TMPRSS15: variants seen among roughly 807,000 people sequenced by gnomAD.
The protein encoded by TMPRSS15 is enteropeptidase.
A neutral mutation model predicts 125.3 loss-of-function variants in TMPRSS15; 128 were observed. The ratio of observed to expected loss-of-function variants is 1.02; its 90% CI spans 0.89 to 1.18. The LOEUF is 1.18. Among genes scored for constraint, TMPRSS15 ranks in the 50% most tolerant of loss-of-function variants. The pLI is 0.00. For synonymous variants in TMPRSS15, 446 were observed against 423.2 expected (o/e 1.05, Z -0.66); for missense variants, 1,283 against 1,212.7 (o/e 1.06, Z -0.86).
At position 18,365,124 on chromosome 21, in the gene TMPRSS15, T is replaced by C. The variant is rs370774034; in HGVS notation, c.773+16A>G. 59 of 1,597,316 alleles carry C rather than the reference T, an allele frequency of 3.7e-5. 1 individual carries two copies. The highest frequency in any genetic ancestry group is 1.7e-4 in the Middle Eastern group (1 of 6,048). On this transcript the variant is annotated intron_variant, in intron 7 of 24. Coordinates refer to ENST00000284885, the MANE Select transcript of TMPRSS15 (RefSeq NM_002772.3). The stretch of plus-strand genomic sequence containing the variant: ...CTTTATGACTTAAGAACAGAAAATA[T>C]AAGATCTTGTATTACCGTATGATCC...
intron 1 of TMPRSS15, among the ~76,000 whole-genome samples, chr21:18,409,737 T>C (rs1306737566): frequency 2.0e-5 from 3 of 152,144 alleles, no homozygotes; most frequent in Non-Finnish European, 1.5e-5. Context: ...AAGTAATAAA[T>C]AGTACTGTTG....
intron 18 of TMPRSS15, 143 bp downstream of exon 18, chr21:18,312,802 A>G: frequency 9.1e-7 from 1 of 1,100,442 alleles, no homozygotes; most frequent in East Asian, 2.6e-5. Context: ...GGGGTTAATC[A>G]AGATTTTTAT....
At chr21:18,460,468 A>C (rs1978531256) in intron 1 of TMPRSS15, 1 of 152,216 alleles carries the variant, frequency 6.6e-6, no homozygotes, top group Non-Finnish European at 1.5e-5. Flanking sequence ...TAAGTTATTC[A>C]ATTATTTATC....
intron 3 of TMPRSS15, among the ~76,000 whole-genome samples, chr21:18,396,027 T>G (rs543533677): frequency 7.2e-5 from 11 of 152,234 alleles, no homozygotes; most frequent in East Asian, 3.9e-4. Context: ...AACTAAGACT[T>G]ACTTACTCTC....
chr21:18,314,100 T>A (rs1251340895), intron 17 of TMPRSS15, among the ~76,000 whole-genome samples: 4 of 143,682 alleles, frequency 2.8e-5, no homozygotes, highest in African/African-American at 1.0e-4. Context: ...TGTAATTCTA[T>A]AAAATAATGC....
chr21:18,458,427 T>C (rs1978483457), intron 1 of TMPRSS15, among the ~76,000 whole-genome samples: 1 of 152,206 alleles, frequency 6.6e-6, no homozygotes, highest in African/African-American at 2.4e-5. Flanking sequence ...GTTAGGTCTT[T>C]GAGGTTTCAA....
At chr21:18,326,606 T>TGATC in intron 15 of TMPRSS15, 34 bp from the exon 16 acceptor site, 1 of 1,613,784 alleles carries the variant, frequency 6.2e-7, no homozygotes, top group Non-Finnish European at 8.5e-7. Context: ...ATCAGTGAGA[T>TGATC]GATCCTTTGG....
At chr21:18,358,762 G>A (rs560890264) in intron 8 of TMPRSS15, among the ~76,000 whole-genome samples, 29 of 151,968 alleles carry the variant, frequency 1.9e-4, no homozygotes, top group Non-Finnish European at 3.8e-4. Context: ...AAATATTAAA[G>A]AAGAAAATGC....
intron 21 of TMPRSS15, among the ~76,000 whole-genome samples, chr21:18,290,957 C>T (rs1261542575): frequency 6.6e-6 from 1 of 152,148 alleles, no homozygotes; most frequent in African/African-American, 2.4e-5. Flanking sequence ...AATTTTTATG[C>T]ATGTTTGAAA....
chr21:18,341,187 C>T (rs1029871680), intron 13 of TMPRSS15, among the ~76,000 whole-genome samples: 6 of 152,152 alleles, frequency 3.9e-5, no homozygotes, highest in East Asian at 1.9e-4. Context: ...TCAGCCTCTC[C>T]GGTAGCTGGG....
intron 6 of TMPRSS15, among the ~76,000 whole-genome samples, chr21:18,368,002 T>A (rs1217309161): frequency 2.6e-5 from 4 of 151,946 alleles, no homozygotes; most frequent in Admixed American, 6.6e-5. Context: ...AAACAGAAAA[T>A]TTTTTAAAGA....
chr21:18,479,824 G>T (rs564979149), intron 1 of TMPRSS15, among the ~76,000 whole-genome samples: 10 of 152,084 alleles, frequency 6.6e-5, no homozygotes, highest in Non-Finnish European at 1.5e-4. Flanking sequence ...GTGGAAGACA[G>T]TGTGGCAATT....
chr21:18,373,312 T>C (rs2147048904), intron 5 of TMPRSS15, among the ~76,000 whole-genome samples: 1 of 152,266 alleles, frequency 6.6e-6, no homozygotes, highest in South Asian at 2.1e-4. Context: ...AATTAGACAT[T>C]TGTAACTGGC....
chr21:18,390,503 G>A (rs1462242039), intron 3 of TMPRSS15, among the ~76,000 whole-genome samples: 1 of 152,156 alleles, frequency 6.6e-6, no homozygotes, highest in East Asian at 1.9e-4. Flanking sequence ...CATTAGTTAG[G>A]TTCTGAAAAT....
chr21:18,479,274 C>A (rs1299242185), intron 1 of TMPRSS15, among the ~76,000 whole-genome samples: 3 of 151,922 alleles, frequency 2.0e-5, no homozygotes, highest in Non-Finnish European at 4.4e-5. Context: ...CAAATACATA[C>A]ATTCATAAAC....
intron 24 of TMPRSS15, among the ~76,000 whole-genome samples, chr21:18,271,616 T>G (rs1323358260): frequency 6.6e-6 from 1 of 152,170 alleles, no homozygotes; most frequent in East Asian, 1.9e-4. Flanking sequence ...TTTTTACATT[T>G]TACTTTAAGG....
intron 1 of TMPRSS15, among the ~76,000 whole-genome samples, chr21:18,472,628 G>C (rs1010061026): frequency 2.0e-5 from 3 of 151,762 alleles, no homozygotes; most frequent in African/African-American, 7.3e-5. Context: ...TATTGGTACA[G>C]GTTCAAAGAA....
intron 1 of TMPRSS15, among the ~76,000 whole-genome samples, chr21:18,467,226 G>T (rs1978683292): frequency 6.6e-6 from 1 of 151,842 alleles, no homozygotes; most frequent in Non-Finnish European, 1.5e-5. Flanking sequence ...ACTTGGACAT[G>T]GAGGGGAACA....
intron 5 of TMPRSS15, among the ~76,000 whole-genome samples, chr21:18,377,733 T>G (rs1226533577): frequency 6.6e-6 from 1 of 152,112 alleles, no homozygotes; most frequent in Non-Finnish European, 1.5e-5. Context: ...GGGCTAAGTG[T>G]ACACTGCCCC....
Sources: gnomAD v4.1 joint callset for allele counts (sites outside exome capture counted in the v4.1 genomes callset) on GRCh38, gnomAD v4.1.1 for gene constraint, MANE v1.5 for transcripts, NCBI Gene and HGNC (gene_info 2026-07-23, HGNC 2026-07-21) for gene names.